The following CDKL1 variants were observed in gnomAD, a reference collection of about 807,000 sequenced individuals.
The protein encoded by CDKL1 is cyclin-dependent kinase-like 1.
Under a neutral mutation model 42.0 loss-of-function variants are expected in CDKL1, and 41 were observed. The observed-to-expected ratio is 0.98, with a 90% CI of 0.76 to 1.27. The LOEUF (loss-of-function observed/expected upper bound fraction) is 1.27. Ranked by LOEUF, CDKL1 falls within the 50% of genes most tolerant of loss-of-function variation. The pLI is 0.00. For missense variants in CDKL1, 394 were observed against 428.4 expected (o/e 0.92, Z 0.71); for synonymous variants, 153 against 158.6 (o/e 0.96, Z 0.26).
chr14:50,369,915 G>A (rs2034543194), intron 2 of CDKL1, among the ~76,000 whole-genome samples: 1 of 151,726 alleles, frequency 6.6e-6, no homozygotes, highest in Admixed American at 6.6e-5. Flanking sequence ...CACCATGCCT[G>A]GCTAATTATA....
At chr14:50,396,618 C>A (rs935880705) in intron 1 of CDKL1, 43 of 263,182 alleles carry the variant, frequency 1.6e-4, no homozygotes, top group Non-Finnish European at 2.2e-4. Context: ...CATTTCCCTG[C>A]GGCAAGAAGA....
chr14:50,361,824 G>A (rs933192739), intron 2 of CDKL1, among the ~76,000 whole-genome samples: 4 of 152,240 alleles, frequency 2.6e-5, no homozygotes, highest in Non-Finnish European at 4.4e-5. Flanking sequence ...CGCTCTCGGC[G>A]CCTTCTCTAT....
chr14:50,333,425 C>G (rs1248602941), intron 8 of CDKL1: 1 of 152,180 alleles, frequency 6.6e-6, no homozygotes, highest in Admixed American at 6.5e-5. Flanking sequence ...CCATGACAGT[C>G]TACAAATACC....
At position 50,326,406 on chromosome 14, in the gene CDKL1, A is replaced by G. The variant is rs1171279794; in HGVS notation, c.*3668T>C. The G allele has an allele frequency of 3.1e-6, 3 of 960,284 alleles. No individual in the cohort carries two copies. Among genetic ancestry groups the G allele is most frequent in the Non-Finnish European group, 3.7e-6 (3 of 807,124 alleles). 59.5% of individuals were successfully genotyped at this position (960,284 alleles called of 1,614,324 possible). A position where few individuals can be genotyped will look rare whatever the true frequency, so the allele number is the denominator to read the frequency against. ...CATTTAACTTTAAAGTTAGTGAAGC[A>G]TACTACCATAAATGCACAATTATGA... is the stretch of plus-strand genomic sequence containing the variant. On this transcript the variant is annotated 3_prime_UTR_variant, in exon 10 of 10. Transcript: ENST00000395834.
chr14:50,395,606 G>A (rs1193469970), intron 2 of CDKL1, 95 bp downstream of exon 2: 5 of 809,642 alleles, frequency 6.2e-6, no homozygotes, highest in Non-Finnish European at 9.9e-6. Flanking sequence ...GTTCCAGGCT[G>A]CTGTGAGCTA....
chr14:50,361,685 T>C (rs1462766589), intron 2 of CDKL1, among the ~76,000 whole-genome samples: 3 of 152,340 alleles, frequency 2.0e-5, no homozygotes, highest in Admixed American at 1.3e-4. Flanking sequence ...CACCTCTTAA[T>C]ACAGTTGCAC....
At position 50,327,761 on chromosome 14, in the gene CDKL1, A is replaced by G. The variant is rs565307234; in HGVS notation, c.*2313T>C. The G allele has an allele frequency of 2.4e-4, 36 of 152,280 alleles. No homozygotes were observed. The highest frequency in any genetic ancestry group is 7.7e-4 in the African/African-American group (32 of 41,548). 9.4% of individuals were successfully genotyped at this position (152,280 alleles called of 1,614,324 possible). A position where few individuals can be genotyped will look rare whatever the true frequency, so the allele number is the denominator to read the frequency against. ...CCACCGCGCCCAGCCTGGTTTGAACATTATTAAGCTGTTGAATATAAACTT... is the reference window on the plus strand; with the variant it reads ...CCACCGCGCCCAGCCTGGTTTGAACGTTATTAAGCTGTTGAATATAAACTT... On this transcript the variant is annotated 3_prime_UTR_variant, in exon 10 of 10. Transcript: ENST00000395834.
chr14:50,367,357 C>A (rs1030767129), intron 2 of CDKL1, among the ~76,000 whole-genome samples: 4 of 152,178 alleles, frequency 2.6e-5, no homozygotes, highest in African/African-American at 9.7e-5. Context: ...ACATCTCAAA[C>A]TACCTTACTC....
chr14:50,345,336 C>T (rs2033690499), intron 3 of CDKL1, among the ~76,000 whole-genome samples: 1 of 152,206 alleles, frequency 6.6e-6, no homozygotes, highest in Non-Finnish European at 1.5e-5. Context: ...TTTATAACCA[C>T]CTATCTCAAA....
intron 2 of CDKL1, among the ~76,000 whole-genome samples, chr14:50,379,931 A>T (rs1295202339): frequency 1.3e-5 from 2 of 152,214 alleles, no homozygotes; most frequent in Non-Finnish European, 2.9e-5. Context: ...GGCTGTGGCT[A>T]CAAGGTCTGA....
In CDKL1 at chr14:50,345,048, G is replaced by A. The variant is rs745635511; in HGVS notation, c.301C>T (p.His101Tyr). Residue 101 changes from histidine (H) to tyrosine (Y), a missense_variant, in exon 4 of 10, where the codon CAT becomes TAT. Transcript: ENST00000395834. ...TGCCAAGTTATGCTCTTCACGAGAT[G>A]TTCTGGTACCCTAATAAAAATAAAG... ...LDRYQRGVPE[H>Y]LVKSITWQTL... 9.3e-6 allele frequency: 15 copies of A among 1,613,574 alleles called. No homozygotes were observed. In the African/African-American group the frequency reaches 1.2e-4, roughly 13 times the overall value.
chr14:50,349,591 G>A (rs530726055), intron 3 of CDKL1, among the ~76,000 whole-genome samples: 2 of 152,256 alleles, frequency 1.3e-5, no homozygotes, highest in East Asian at 3.9e-4. Flanking sequence ...ACAGTAAGGG[G>A]TATCATCGCC....
intron 7 of CDKL1, chr14:50,335,632 G>T: frequency 6.6e-7 from 1 of 1,525,764 alleles, no homozygotes; most frequent in South Asian, 1.2e-5. Flanking sequence ...ACTGACAAAG[G>T]CTAATTGAGC....
intron 4 of CDKL1, among the ~76,000 whole-genome samples, chr14:50,343,388 G>T (rs2033621245): frequency 6.6e-6 from 1 of 152,144 alleles, no homozygotes; most frequent in Admixed American, 6.5e-5. Context: ...CAGGATGAGA[G>T]ATCAGTGTCA....
chr14:50,380,389 G>A (rs10141601), intron 2 of CDKL1, among the ~76,000 whole-genome samples: 50,755 of 152,034 alleles, frequency 0.33, 9,042 homozygotes, highest in African/African-American at 0.44. Context: ...GCCAGATATG[G>A]TATCTTTCCT....
intron 3 of CDKL1, among the ~76,000 whole-genome samples, chr14:50,355,112 T>A (rs2034018020): frequency 6.6e-6 from 1 of 152,088 alleles, no homozygotes; most frequent in Non-Finnish European, 1.5e-5. Context: ...CAATATATGT[T>A]TTATCTGTTA....
intron 2 of CDKL1, among the ~76,000 whole-genome samples, chr14:50,394,289 G>T (rs546038162): frequency 6.6e-6 from 1 of 152,340 alleles, no homozygotes; most frequent in East Asian, 1.9e-4. Context: ...ACCCGGGCAG[G>T]GGGATGGTCA....
chr14:50,340,715 G>A (rs2033484359), intron 6 of CDKL1, among the ~76,000 whole-genome samples: 1 of 152,196 alleles, frequency 6.6e-6, no homozygotes, highest in Non-Finnish European at 1.5e-5. Flanking sequence ...AAAGCATTCT[G>A]TAAACTGCTA....
chr14:50,334,919 A>AT (rs1309977981), intron 7 of CDKL1: 8 of 152,498 alleles, frequency 5.2e-5, no homozygotes, highest in Admixed American at 1.2e-4. Flanking sequence ...TTTTCTGAGC[A>AT]GTTTTTTTTT....
Sources: gnomAD v4.1 joint callset for allele counts (sites outside exome capture counted in the v4.1 genomes callset) on GRCh38, gnomAD v4.1.1 for gene constraint, MANE v1.5 for transcripts, NCBI Gene and HGNC (gene_info 2026-07-23, HGNC 2026-07-21) for gene names.